EARS2: variants seen among roughly 807,000 people sequenced by gnomAD.
EARS2 encodes the protein glutamyl-tRNA synthetase 2, mitochondrial.
A neutral mutation model predicts 54.1 loss-of-function variants in EARS2; 50 were observed. That is an observed-to-expected ratio of 0.92 (90% CI 0.74 to 1.17). EARS2 has a LOEUF of 1.17. Among genes scored for constraint, EARS2 ranks in the 50% most tolerant of loss-of-function variants. EARS2 has a pLI of 0.00. For synonymous variants in EARS2, 298 were observed against 281.0 expected (o/e 1.06, Z -0.61); for missense variants, 673 against 675.0 (o/e 1.00, Z 0.03).
At chr16:23,555,557 T>C (rs1965762306) in intron 1 of EARS2, among the ~76,000 whole-genome samples, 1 of 152,160 alleles carries the variant, frequency 6.6e-6, no homozygotes, top group African/African-American at 2.4e-5. Context: ...CGACAGAAAT[T>C]TGGACCCAGG....
rs1965155460 is a variant in EARS2, at chr16:23,522,494, G to A, written c.*1877C>T. On this transcript the variant is annotated 3_prime_UTR_variant, in exon 9 of 9. Transcript: ENST00000449606. Reference sequence around the variant, plus strand: ...TTTTTTTTTTGGCTTTTTGGTAGATGCTGTGGCTCTCTTATGGCCTCCAAT... The same window carrying A: ...TTTTTTTTTTGGCTTTTTGGTAGATACTGTGGCTCTCTTATGGCCTCCAAT... 1 of 151,972 alleles carries A rather than the reference G, an allele frequency of 6.6e-6. No individual in the cohort carries two copies. Among genetic ancestry groups the A allele is most frequent in the South Asian group, 2.1e-4 (1 of 4,816 alleles). The allele number at this position is 151,972 out of a possible 1,614,324, so 9.4% of individuals were successfully genotyped here. A position where few individuals can be genotyped will look rare whatever the true frequency, so the allele number is the denominator to read the frequency against.
intron 7 of EARS2, among the ~76,000 whole-genome samples, chr16:23,526,688 A>G (rs1414373405): frequency 6.6e-6 from 1 of 152,200 alleles, no homozygotes; most frequent in African/African-American, 2.4e-5. Flanking sequence ...AGCTCCAGCA[A>G]TGGCTCTGCC....
At chr16:23,556,946 T>C in intron 1 of EARS2, 1 of 685,276 alleles carries the variant, frequency 1.5e-6, no homozygotes, top group Non-Finnish European at 2.7e-6. Flanking sequence ...CAGGTTGTCA[T>C]CAATGCACAT....
At chr16:23,552,086 C>T in intron 2 of EARS2, 63 bp downstream of exon 2, 1 of 1,576,762 alleles carries the variant, frequency 6.3e-7, no homozygotes, top group South Asian at 1.1e-5. Flanking sequence ...AGAAGACCCA[C>T]AGGCTCCTTT....
At position 23,529,596 on chromosome 16, in the gene EARS2, C is replaced by T. The variant is rs774832573; in HGVS notation, c.1258G>A (p.Val420Ile). 1 of 1,614,036 alleles carries T rather than the reference C, an allele frequency of 6.2e-7. No individual in the cohort carries two copies. Among genetic ancestry groups the T allele is most frequent in the African/African-American group, 1.3e-5 (1 of 74,910 alleles). ...ICRLQDLVSP[V>I]YSYLWTRPAV... ...GGGCGAGTCCACAGGTAAGAGTATA[C>T]TGGGGACACCAAGTCCTGCAGGCGG... Residue 420 changes from valine to isoleucine, a missense_variant, in exon 7 of 9, where the codon GTA becomes ATA. Val to Ile is a conservative substitution (Grantham distance 29). Transcript: ENST00000449606.
chr16:23,557,245 G>T lies in EARS2; in HGVS notation c.99C>A (p.Ala33=). The stretch of plus-strand genomic sequence containing the variant: ...CGAACCGCACTCGCACCGCAACCCC[G>T]GCATCAGTGCCCAGGTTGGCCTCGC... The part of the protein sequence containing the change: ...GRREANLGTD[A]GVAVRVRFAP... Residue 33 remains alanine, a synonymous_variant, in exon 1 of 9, where the codon GCC becomes GCA. Coordinates refer to ENST00000449606, the MANE Select transcript of EARS2 (RefSeq NM_001083614.2). 1 of 1,520,738 alleles carries T rather than the reference G, an allele frequency of 6.6e-7. No individual in the cohort carries two copies. Among genetic ancestry groups the T allele is most frequent in the Non-Finnish European group, 8.7e-7 (1 of 1,144,004 alleles). 94.2% of individuals were successfully genotyped at this position (1,520,738 alleles called of 1,614,324 possible). A position where few individuals can be genotyped will look rare whatever the true frequency, so the allele number is the denominator to read the frequency against.
At chr16:23,552,952 T>C (rs1965720384) in intron 1 of EARS2, 2 of 275,280 alleles carry the variant, frequency 7.3e-6, no homozygotes, top group South Asian at 5.7e-5. Context: ...CTGGGCAACA[T>C]GGTGAGACCT....
chr16:23,522,796 G>A lies in EARS2; in HGVS notation c.*1575C>T, dbSNP rs973615846. The A allele has an allele frequency of 2.0e-5, 3 of 152,176 alleles. No individual in the cohort carries two copies. Among genetic ancestry groups the A allele is most frequent in the Non-Finnish European group, 4.4e-5 (3 of 68,040 alleles). 9.4% of individuals were successfully genotyped at this position (152,176 alleles called of 1,614,324 possible). A position where few individuals can be genotyped will look rare whatever the true frequency, so the allele number is the denominator to read the frequency against. On this transcript the variant is annotated 3_prime_UTR_variant, in exon 9 of 9. Coordinates refer to ENST00000449606, the MANE Select transcript of EARS2 (RefSeq NM_001083614.2). ...CGTTCCGGAGCAGCTTCTCTGAGTG[G>A]TTCTGGCTTAGGGTCTCCCATAGAG...
chr16:23,532,631 A>G (rs1965344641), intron 5 of EARS2, 26 bp downstream of exon 5: 3 of 1,562,830 alleles, frequency 1.9e-6, no homozygotes, highest in Non-Finnish European at 2.6e-6. Flanking sequence ...CTTTGCCACC[A>G]GGGGATCTCC....
intron 3 of EARS2, among the ~76,000 whole-genome samples, chr16:23,535,816 C>G (rs990794245): frequency 6.6e-6 from 1 of 152,108 alleles, no homozygotes; most frequent in African/African-American, 2.4e-5. Flanking sequence ...GAGGAAAATC[C>G]CTTCTTAAAA....
intron 7 of EARS2, among the ~76,000 whole-genome samples, chr16:23,528,591 T>C (rs1965268983): frequency 6.6e-6 from 1 of 152,210 alleles, no homozygotes; most frequent in African/African-American, 2.4e-5. Context: ...CGACACTGAA[T>C]CCTGGTGAAT....
chr16:23,525,099 C>A, intron 8 of EARS2, 145 bp downstream of exon 8: 1 of 1,051,808 alleles, frequency 9.5e-7, no homozygotes, highest in South Asian at 1.4e-5. Flanking sequence ...TCAATAGTGT[C>A]TGTTGATTGA....
At chr16:23,554,175 A>C (rs1369098309) in intron 1 of EARS2, among the ~76,000 whole-genome samples, 1 of 151,764 alleles carries the variant, frequency 6.6e-6, no homozygotes, top group Non-Finnish European at 1.5e-5. Context: ...ATGCCCGGCT[A>C]ATATTTGTTT....
chr16:23,542,318 T>A (rs1965528108), intron 3 of EARS2, among the ~76,000 whole-genome samples: 1 of 84,232 alleles, frequency 1.2e-5, no homozygotes, highest in African/African-American at 6.0e-5. Flanking sequence ...TCATTTTTCT[T>A]TTTTTTTTTT....
At chr16:23,547,210 A>G (rs1345875016) in intron 2 of EARS2, among the ~76,000 whole-genome samples, 1 of 152,220 alleles carries the variant, frequency 6.6e-6, no homozygotes, top group Non-Finnish European at 1.5e-5. Flanking sequence ...ATGATAGCCC[A>G]CAGATGCGCT....
chr16:23,543,796 C>T (rs1347367432), intron 3 of EARS2, among the ~76,000 whole-genome samples: 2 of 151,368 alleles, frequency 1.3e-5, no homozygotes, highest in African/African-American at 4.9e-5. Context: ...GACATGATGC[C>T]ATAAGTGGAA....
At chr16:23,539,368 T>G (rs1965476489) in intron 3 of EARS2, among the ~76,000 whole-genome samples, 1 of 152,172 alleles carries the variant, frequency 6.6e-6, no homozygotes, top group Non-Finnish European at 1.5e-5. Flanking sequence ...TCCAACCAAA[T>G]GTCTAGGCTT....
At chr16:23,531,810 G>A (rs4968018) in intron 5 of EARS2, among the ~76,000 whole-genome samples, 130,611 of 152,188 alleles carry the variant, frequency 0.86, 56,255 homozygotes, top group African/African-American at 0.91. Context: ...TGATGGTCTT[G>A]CAAACCACTA....
intron 3 of EARS2, among the ~76,000 whole-genome samples, chr16:23,539,018 C>T (rs111974502): frequency 0.014 from 2,089 of 145,872 alleles, 22 homozygotes; most frequent in African/African-American, 0.018. Context: ...CATTCTGTCT[C>T]CCAGGCTGGA....
Sources: allele counts gnomAD v4.1 joint callset (sites outside exome capture counted in the v4.1 genomes callset), GRCh38; gene constraint gnomAD v4.1.1; transcripts MANE v1.5; gene names NCBI Gene and HGNC (gene_info 2026-07-23, HGNC 2026-07-21).